Variants in SLCO2A1 observed in about 807,000 individuals in gnomAD.
SLCO2A1 encodes the protein solute carrier organic anion transporter family member 2A1.
In SLCO2A1, 60 loss-of-function variants were observed where a neutral mutation model predicts 71.7. That is an observed-to-expected ratio of 0.84 (90% CI 0.68 to 1.04). The LOEUF (loss-of-function observed/expected upper bound fraction) is 1.04. SLCO2A1 is among the 50% of genes least tolerant of loss of function. The pLI is 0.00. For missense variants in SLCO2A1, 745 were observed against 813.4 expected (o/e 0.92, Z 1.02); for synonymous variants, 308 against 326.7 (o/e 0.94, Z 0.62).
In SLCO2A1 at chr3:134,029,709, TA is replaced by T; in HGVS notation, c.93del (p.Lys32ArgfsTer45). ...AAGACCCCGCGGACTCCGCTCACCT[TA>T]ATGTTGCCGAAGACCGAGCGGGCAC... ...GRCARSVFGN[I>X]KVFVLCQGLL... On this transcript the variant is annotated frameshift_variant, in exon 1 of 14. Transcript: ENST00000310926. LOFTEE classifies it high-confidence loss of function. 6.3e-7 allele frequency: 1 copy of T among 1,586,616 alleles called. No individual in the cohort carries two copies. Among genetic ancestry groups the T allele is most frequent in the Non-Finnish European group, 8.5e-7 (1 of 1,170,858 alleles).
intron 3 of SLCO2A1, among the ~76,000 whole-genome samples, chr3:133,963,843 C>T (rs1311589533): frequency 6.7e-6 from 1 of 149,728 alleles, no homozygotes; most frequent in Non-Finnish European, 1.5e-5. Flanking sequence ...CTCCTAAATT[C>T]AGCTACTCTA....
intron 10 of SLCO2A1, among the ~76,000 whole-genome samples, chr3:133,944,126 G>C (rs555223463): frequency 6.6e-6 from 1 of 152,156 alleles, no homozygotes; most frequent in Non-Finnish European, 1.5e-5. Flanking sequence ...TGTACTTGCT[G>C]CTCCCTTTAT....
At chr3:133,977,969 C>T (rs1934498619) in intron 2 of SLCO2A1, among the ~76,000 whole-genome samples, 2 of 152,132 alleles carry the variant, frequency 1.3e-5, no homozygotes, top group Admixed American at 6.5e-5. Context: ...TACACAGACA[C>T]ACACCTGGCA....
chr3:134,027,740 T>G (rs1935727260), intron 1 of SLCO2A1, among the ~76,000 whole-genome samples: 1 of 152,194 alleles, frequency 6.6e-6, no homozygotes, highest in Admixed American at 6.5e-5. Flanking sequence ...GAAATATCCC[T>G]TCAAATAGCA....
intron 3 of SLCO2A1, 113 bp from the exon 4 acceptor site, chr3:133,955,306 G>A: frequency 1.2e-6 from 1 of 824,168 alleles, no homozygotes; most frequent in Non-Finnish European, 1.9e-6. Flanking sequence ...ACTTTGGCCA[G>A]AGGCTGTGCT....
intron 1 of SLCO2A1, among the ~76,000 whole-genome samples, chr3:133,986,358 A>G (rs1934714209): frequency 6.6e-6 from 1 of 152,238 alleles, no homozygotes; most frequent in Non-Finnish European, 1.5e-5. Context: ...AAACCCAGGC[A>G]AATATCTAGG....
At position 134,029,650 on chromosome 3, in the gene SLCO2A1, A is replaced by G. The variant is rs1443708584; in HGVS notation, c.96+57T>C. The stretch of plus-strand genomic sequence containing the variant: ...CTCCGGCAGACAGAAGCGGGTGCCC[A>G]GCCGAAGGTGCGCCAGGCGCGGCTC... On this transcript the variant is annotated intron_variant, in intron 1 of 13. Transcript: ENST00000310926. 38 of 1,422,548 alleles carry G rather than the reference A, an allele frequency of 2.7e-5. 1 individual carries two copies. The Middle Eastern group carries it at 1.2e-3, about 46-fold the overall frequency. The allele number at this position is 1,422,548 out of a possible 1,614,324, so 88.1% of individuals were successfully genotyped here.
intron 3 of SLCO2A1, among the ~76,000 whole-genome samples, chr3:133,970,755 A>G (rs1205106229): frequency 6.6e-6 from 1 of 152,194 alleles, no homozygotes; most frequent in Non-Finnish European, 1.5e-5. Flanking sequence ...CTATTGTTGC[A>G]TATAGAATTT....
chr3:134,010,027 C>A (rs1201980343), intron 1 of SLCO2A1, among the ~76,000 whole-genome samples: 1 of 152,116 alleles, frequency 6.6e-6, no homozygotes, highest in Admixed American at 6.5e-5. Flanking sequence ...CTACCCTTGT[C>A]CATATTATCT....
intron 1 of SLCO2A1, among the ~76,000 whole-genome samples, chr3:134,007,979 A>C (rs1263191505): frequency 6.6e-6 from 1 of 151,948 alleles, no homozygotes; most frequent in East Asian, 1.9e-4. Flanking sequence ...AGTAGGAGGG[A>C]TTCCATGTGA....
chr3:133,935,685 A>G (rs2108035332), intron 13 of SLCO2A1, 89 bp downstream of exon 13: 2 of 1,381,912 alleles, frequency 1.4e-6, no homozygotes, highest in East Asian at 2.5e-5. Flanking sequence ...GAAGCCTGAC[A>G]GCCCCCACAG....
chr3:134,004,653 G>C (rs990139145), intron 1 of SLCO2A1, among the ~76,000 whole-genome samples: 3 of 152,176 alleles, frequency 2.0e-5, no homozygotes. Flanking sequence ...CTTAAAATAA[G>C]GAGGCAAGGG....
intron 2 of SLCO2A1, among the ~76,000 whole-genome samples, chr3:133,976,229 G>C (rs774492608): frequency 2.0e-4 from 31 of 152,226 alleles, no homozygotes; most frequent in Non-Finnish European, 4.3e-4. Context: ...GTGGATCTAG[G>C]ACATCCTGAA....
intron 1 of SLCO2A1, among the ~76,000 whole-genome samples, chr3:134,004,421 G>T (rs927371123): frequency 2.6e-5 from 4 of 152,134 alleles, no homozygotes; most frequent in African/African-American, 9.7e-5. Flanking sequence ...TGCAACCTCC[G>T]CCTCGCAGGT....
intron 6 of SLCO2A1, chr3:133,949,214 C>T (rs1475181902): frequency 2.6e-5 from 14 of 542,220 alleles, no homozygotes; most frequent in Non-Finnish European, 4.3e-5. Context: ...CCCACGATAC[C>T]TGTGGGCATA....
intron 3 of SLCO2A1, 173 bp from the exon 4 acceptor site, chr3:133,955,366 A>C: frequency 1.7e-6 from 1 of 595,850 alleles, no homozygotes; most frequent in Non-Finnish European, 3.0e-6. Context: ...TCTGGCCAGC[A>C]GGAGGGACTC....
At chr3:133,953,845 T>G (rs1020840316) in intron 4 of SLCO2A1, 84 bp from the exon 5 acceptor site, 40 of 1,002,550 alleles carry the variant, frequency 4.0e-5, no homozygotes, top group Non-Finnish European at 5.0e-5. Flanking sequence ...GGGGGAGTCT[T>G]GAGATATCAC....
At chr3:133,998,028 C>G (rs1935012005) in intron 1 of SLCO2A1, among the ~76,000 whole-genome samples, 1 of 152,188 alleles carries the variant, frequency 6.6e-6, no homozygotes, top group South Asian at 2.1e-4. Context: ...AGGGATCGCT[C>G]ATCAGAAAAC....
At chr3:133,935,681 T>G in intron 13 of SLCO2A1, 93 bp downstream of exon 13, 1 of 1,378,444 alleles carries the variant, frequency 7.3e-7, no homozygotes, top group Non-Finnish European at 9.6e-7. Flanking sequence ...CTTGGAAGCC[T>G]GACAGCCCCC....
Sources: gnomAD v4.1 joint callset for allele counts (sites outside exome capture counted in the v4.1 genomes callset) on GRCh38, gnomAD v4.1.1 for gene constraint, MANE v1.5 for transcripts, NCBI Gene and HGNC (gene_info 2026-07-23, HGNC 2026-07-21) for gene names.